Variants in CDYL2 observed in about 807,000 individuals in gnomAD.
CDYL2 encodes the protein chromodomain Y like 2.
CDYL2 carries 23 observed loss-of-function variants against 49.4 expected under a neutral mutation model. The ratio of observed to expected loss-of-function variants is 0.47; its 90% CI spans 0.34 to 0.66. CDYL2 has a LOEUF of 0.66. Ranked by LOEUF, CDYL2 falls within the 30% of genes least tolerant of loss-of-function variation. The pLI is 0.01. For synonymous variants in CDYL2, 360 were observed against 268.8 expected (o/e 1.34, Z -3.32); for missense variants, 678 against 656.4 (o/e 1.03, Z -0.36).
chr16:80,598,537 TG>T lies in CDYL2; in HGVS notation c.*5850del, dbSNP rs1477797979. On this transcript the variant is annotated 3_prime_UTR_variant, in exon 7 of 7. Transcript: ENST00000570137. The stretch of plus-strand genomic sequence containing the variant: ...TGAAGAACAAAAGGAGGCAGACATT[TG>T]GAAAGTGCAGGATCCTACTGTTCAG... 1 of 152,154 alleles carries T rather than the reference TG, an allele frequency of 6.6e-6. No homozygotes were observed. Among genetic ancestry groups the T allele is most frequent in the African/African-American group, 2.4e-5 (1 of 41,424 alleles). The allele number at this position is 152,154 out of a possible 1,614,324, so 9.4% of individuals were successfully genotyped here. A position where few individuals can be genotyped will look rare whatever the true frequency, so the allele number is the denominator to read the frequency against.
chr16:80,695,478 A>G (rs181458384), intron 1 of CDYL2, among the ~76,000 whole-genome samples: 42 of 152,252 alleles, frequency 2.8e-4, no homozygotes, highest in Non-Finnish European at 4.6e-4. Flanking sequence ...TAAAAAAGCA[A>G]TACCCAACTA....
intron 1 of CDYL2, among the ~76,000 whole-genome samples, chr16:80,753,605 T>A (rs1188080530): frequency 6.6e-6 from 1 of 151,332 alleles, no homozygotes; most frequent in Non-Finnish European, 1.5e-5. Context: ...CAAAACTCCA[T>A]CTCAAAAAAA....
intron 1 of CDYL2, among the ~76,000 whole-genome samples, chr16:80,755,851 G>A (rs1165288000): frequency 1.3e-5 from 2 of 152,212 alleles, no homozygotes; most frequent in Admixed American, 6.5e-5. Flanking sequence ...GACTATGGGA[G>A]CAGGGGGAGG....
chr16:80,662,802 T>C, intron 2 of CDYL2: 3 of 454,908 alleles, frequency 6.6e-6, no homozygotes, highest in Admixed American at 4.7e-5. Flanking sequence ...TGTAGGAAAA[T>C]CATCATGGAT....
chr16:80,768,730 T>G (rs534384299), intron 1 of CDYL2, among the ~76,000 whole-genome samples: 5 of 152,222 alleles, frequency 3.3e-5, no homozygotes, highest in Non-Finnish European at 7.3e-5. Flanking sequence ...GGATGACATG[T>G]AGCATAACAC....
At chr16:80,711,368 A>G (rs1275464645) in intron 1 of CDYL2, among the ~76,000 whole-genome samples, 1 of 152,214 alleles carries the variant, frequency 6.6e-6, no homozygotes, top group Non-Finnish European at 1.5e-5. Context: ...GCAGGGAAGC[A>G]GACGTTGACA....
chr16:80,608,378 T>C (rs1184278532), intron 5 of CDYL2, 143 bp from the exon 6 acceptor site: 3 of 916,070 alleles, frequency 3.3e-6, no homozygotes, highest in Non-Finnish European at 3.2e-6. Flanking sequence ...TGGGGTCAGA[T>C]AAGCTTTGGG....
chr16:80,605,751 A>G (rs1022415353), intron 6 of CDYL2, among the ~76,000 whole-genome samples: 8 of 152,304 alleles, frequency 5.3e-5, no homozygotes, highest in Non-Finnish European at 1.0e-4. Flanking sequence ...AATATTTGTA[A>G]TAACTATAAT....
At chr16:80,745,626 A>C (rs1905901361) in intron 1 of CDYL2, among the ~76,000 whole-genome samples, 1 of 152,192 alleles carries the variant, frequency 6.6e-6, no homozygotes, top group Non-Finnish European at 1.5e-5. Context: ...AGCTGTTATA[A>C]TTATTGTTGT....
intron 5 of CDYL2, among the ~76,000 whole-genome samples, chr16:80,610,442 C>A (rs933292159): frequency 1.3e-5 from 2 of 152,086 alleles, no homozygotes; most frequent in African/African-American, 4.8e-5. Flanking sequence ...TAAAAAGGAA[C>A]AATTCACAAT....
chr16:80,804,045 C>G (rs1908018300), intron 1 of CDYL2, 105 bp downstream of exon 1: 1 of 849,958 alleles, frequency 1.2e-6, no homozygotes, highest in Non-Finnish European at 1.4e-6. Flanking sequence ...CTCGGCAACT[C>G]CGGATTGCGC....
intron 1 of CDYL2, among the ~76,000 whole-genome samples, chr16:80,697,764 G>GT (rs1904281852): frequency 6.6e-6 from 1 of 151,590 alleles, no homozygotes; most frequent in Admixed American, 6.6e-5. Context: ...CTATACAATC[G>GT]TAACAAACTA....
intron 2 of CDYL2, among the ~76,000 whole-genome samples, chr16:80,655,581 C>T (rs1312118055): frequency 6.6e-6 from 1 of 152,148 alleles, no homozygotes; most frequent in Non-Finnish European, 1.5e-5. Context: ...CCCGAAGAGA[C>T]GAGGGCCCTG....
rs766832943 is a variant in CDYL2 at position 80,685,058 on chromosome 16, G to A, written c.96C>T (p.Tyr32=). The A allele has an allele frequency of 1.4e-5, 23 of 1,614,016 alleles. No homozygotes were observed. Among genetic ancestry groups the A allele is most frequent in the East Asian group, 2.2e-5 (1 of 44,888 alleles). Residue 32 remains tyrosine, a synonymous_variant, in exon 2 of 7, where the codon TAC becomes TAT. Transcript: ENST00000570137. ...GCTCCCACGTGTCCTCGGTGCTCCCGTAGCCTTTCCATCGGATAAGATACT... is the reference window on the plus strand; with the variant it reads ...GCTCCCACGTGTCCTCGGTGCTCCCATAGCCTTTCCATCGGATAAGATACT... The part of the protein sequence containing the change: ...KWEYLIRWKG[Y]GSTEDTWEPE...
chr16:80,754,866 G>C (rs903376562), intron 1 of CDYL2, among the ~76,000 whole-genome samples: 1 of 152,152 alleles, frequency 6.6e-6, no homozygotes, highest in African/African-American at 2.4e-5. Flanking sequence ...CCTGTATCAG[G>C]GAAGGGAGCA....
chr16:80,626,260 G>T (rs1268895957), intron 3 of CDYL2, among the ~76,000 whole-genome samples: 1 of 89,528 alleles, frequency 1.1e-5, no homozygotes, highest in Non-Finnish European at 2.0e-5. Flanking sequence ...CTCGGTGACA[G>T]AATGAAATCC....
rs1169982227 is a variant in CDYL2 at position 80,598,219 on chromosome 16, T to C, written c.*6169A>G. On this transcript the variant is annotated 3_prime_UTR_variant, in exon 7 of 7. Coordinates refer to ENST00000570137, the MANE Select transcript of CDYL2 (RefSeq NM_152342.4). ...TCAGAACTAGTTAAAGACTCTCCCA[T>C]GATAATCTGGCAAAATAAAACAAGT... 3 of 151,790 alleles carry C rather than the reference T, an allele frequency of 2.0e-5. No individual in the cohort carries two copies. Among genetic ancestry groups the C allele is most frequent in the African/African-American group, 7.3e-5 (3 of 41,310 alleles). The allele number at this position is 151,790 out of a possible 1,614,324, so 9.4% of individuals were successfully genotyped here.
At chr16:80,610,308 G>C (rs765651595) in intron 5 of CDYL2, among the ~76,000 whole-genome samples, 3 of 152,172 alleles carry the variant, frequency 2.0e-5, no homozygotes, top group African/African-American at 7.2e-5. Flanking sequence ...GCTTGCCTAG[G>C]TGCAACAGCC....
rs550859724 is a variant in CDYL2 at position 80,691,176 on chromosome 16, A to C, written c.25-6047T>G. On this transcript the variant is annotated intron_variant, in intron 1 of 6. Transcript: ENST00000570137. The stretch of plus-strand genomic sequence containing the variant: ...TCCCTAACTCTGTACCTCAAACCCC[A>C]CATCCCTGAAGACCTTTCTTTCTGC... 8.7e-4 allele frequency among the ~76,000 whole-genome samples: 132 copies of C among 152,238 alleles called. 1 individual carries two copies. The highest frequency in any genetic ancestry group is 3.4e-3 in the Middle Eastern group (1 of 294).
Sources: gnomAD v4.1 joint callset for allele counts (sites outside exome capture counted in the v4.1 genomes callset) on GRCh38, gnomAD v4.1.1 for gene constraint, MANE v1.5 for transcripts, NCBI Gene and HGNC (gene_info 2026-07-23, HGNC 2026-07-21) for gene names.